Variants in CSMD1 observed in about 807,000 individuals in gnomAD.
CSMD1 encodes CUB and sushi domain-containing protein 1.
In CSMD1, 213 loss-of-function variants were observed where a neutral mutation model predicts 417.5. The observed-to-expected ratio is 0.51, with a 90% CI of 0.46 to 0.57. The LOEUF (loss-of-function observed/expected upper bound fraction) is 0.57. Ranked by LOEUF, CSMD1 falls within the 20% of genes least tolerant of loss-of-function variation. The pLI is 0.00. For missense variants in CSMD1, 6,923 were observed against 4,529.7 expected (o/e 1.53, Z -15.17); for synonymous variants, 2,862 against 1,736.8 (o/e 1.65, Z -16.11).
intron 1 of CSMD1, among the ~76,000 whole-genome samples, chr8:4,674,136 T>C (rs1197993165): frequency 6.6e-6 from 1 of 152,214 alleles, no homozygotes; most frequent in African/African-American, 2.4e-5. Flanking sequence ...TCACAGCAGA[T>C]GTCCACTGGA....
intron 25 of CSMD1, among the ~76,000 whole-genome samples, chr8:3,288,532 A>C (rs1161620222): frequency 6.8e-6 from 1 of 147,038 alleles, no homozygotes; most frequent in Non-Finnish European, 1.5e-5. Flanking sequence ...TCTTGGCAGG[A>C]TGTATGTGTC....
chr8:4,735,148 C>T (rs1016099380), intron 1 of CSMD1, among the ~76,000 whole-genome samples: 2 of 152,178 alleles, frequency 1.3e-5, no homozygotes, highest in African/African-American at 2.4e-5. Flanking sequence ...TCTTTTTATA[C>T]ATATGAGGTA....
intron 25 of CSMD1, among the ~76,000 whole-genome samples, chr8:3,297,290 C>T (rs182391900): frequency 2.6e-5 from 4 of 152,024 alleles, no homozygotes; most frequent in African/African-American, 9.7e-5. Context: ...CAATAAAAAT[C>T]CAGGCAATTT....
At chr8:4,149,813 A>G (rs1340523856) in intron 3 of CSMD1, among the ~76,000 whole-genome samples, 1 of 152,218 alleles carries the variant, frequency 6.6e-6, no homozygotes, top group Non-Finnish European at 1.5e-5. Context: ...ATTTCCTATT[A>G]AAATACCACT....
At chr8:3,487,000 G>A (rs1818076917) in intron 11 of CSMD1, among the ~76,000 whole-genome samples, 1 of 152,210 alleles carries the variant, frequency 6.6e-6, no homozygotes, top group African/African-American at 2.4e-5. Context: ...ATCCTGGGGA[G>A]TTGATCCTGA....
In CSMD1 at chr8:3,298,765, C is replaced by T. The variant is rs190966599; in HGVS notation, c.3950+8930G>A. 1.2e-3 allele frequency among the ~76,000 whole-genome samples: 187 copies of T among 152,198 alleles called. 1 individual carries two copies. Among genetic ancestry groups the T allele is most frequent in the African/African-American group, 4.4e-3 (181 of 41,528 alleles). On this transcript the variant is annotated intron_variant, in intron 25 of 69. Coordinates refer to ENST00000635120, the MANE Select transcript of CSMD1 (RefSeq NM_033225.6). ...CATCGTGCCCGACAATTATCTTTTA[C>T]ATAAAATTCAAATTTGGCAAAACTC...
At chr8:4,197,790 G>C (rs557343356) in intron 3 of CSMD1, among the ~76,000 whole-genome samples, 157 of 152,176 alleles carry the variant, frequency 1.0e-3, no homozygotes, top group African/African-American at 3.5e-3. Context: ...GATATGGGAG[G>C]ATTGCTTGAA....
At chr8:3,186,944 G>C (rs541502440) in intron 36 of CSMD1, among the ~76,000 whole-genome samples, 178 of 152,328 alleles carry the variant, frequency 1.2e-3, no homozygotes, top group Admixed American at 3.7e-3. Context: ...GTTTCGCCAT[G>C]TTGGCCAGGC....
At chr8:4,658,072 G>A (rs1160987995) in intron 1 of CSMD1, among the ~76,000 whole-genome samples, 1 of 151,230 alleles carries the variant, frequency 6.6e-6, no homozygotes, top group Non-Finnish European at 1.5e-5. Context: ...GAAAAAGAAG[G>A]GAAAAAAATA....
At chr8:4,640,308 A>G (rs1803113550) in intron 1 of CSMD1, among the ~76,000 whole-genome samples, 1 of 152,242 alleles carries the variant, frequency 6.6e-6, no homozygotes, top group Admixed American at 6.5e-5. Flanking sequence ...GCAAACAACC[A>G]AGAAGTTTTT....
rs116077843 is a variant in CSMD1, at chr8:3,813,503, G to A, written c.819-59461C>T. ...GGACTTTTATGTGCATTAAAAGAAG[G>A]GCTGGCGTGAATATGAAGACTGATC... On this transcript the variant is annotated intron_variant, in intron 5 of 69. Coordinates refer to ENST00000635120, the MANE Select transcript of CSMD1 (RefSeq NM_033225.6). 3.2e-3 allele frequency among the ~76,000 whole-genome samples: 481 copies of A among 152,178 alleles called. 4 individuals carry two copies. The highest frequency in any genetic ancestry group is 0.011 in the African/African-American group (456 of 41,528).
chr8:4,700,875 G>C (rs970512377), intron 1 of CSMD1, among the ~76,000 whole-genome samples: 27 of 152,162 alleles, frequency 1.8e-4, no homozygotes, highest in African/African-American at 6.5e-4. Flanking sequence ...TAGACCTACA[G>C]TGCTCCTGTT....
intron 5 of CSMD1, among the ~76,000 whole-genome samples, chr8:3,900,462 G>A (rs914997511): frequency 1.8e-4 from 27 of 151,812 alleles, no homozygotes; most frequent in Middle Eastern, 3.4e-3. Context: ...TAACAGTGCA[G>A]CTGGGTGACA....
At chr8:3,937,039 G>C (rs1052457621) in intron 5 of CSMD1, among the ~76,000 whole-genome samples, 1 of 152,170 alleles carries the variant, frequency 6.6e-6, no homozygotes, top group African/African-American at 2.4e-5. Flanking sequence ...AGTAACTTCA[G>C]ACATGTTGAA....
chr8:4,187,972 T>G (rs1203024026), intron 3 of CSMD1, among the ~76,000 whole-genome samples: 1 of 152,104 alleles, frequency 6.6e-6, no homozygotes, highest in African/African-American at 2.4e-5. Flanking sequence ...TGGGTATTTT[T>G]AATTCCCCTG....
intron 2 of CSMD1, among the ~76,000 whole-genome samples, chr8:4,499,686 C>A (rs566369834): frequency 3.7e-4 from 57 of 152,248 alleles, no homozygotes; most frequent in African/African-American, 1.3e-3. Context: ...TAGTGAATAA[C>A]TTTAATAAAT....
chr8:3,575,042 C>G lies in CSMD1; in HGVS notation c.1247G>C (p.Arg416Pro), dbSNP rs756787008. 4 of 1,613,366 alleles carry G rather than the reference C, an allele frequency of 2.5e-6. No individual in the cohort carries two copies. The South Asian group carries it at 4.4e-5, about 18-fold the overall frequency. The stretch of plus-strand genomic sequence containing the variant: ...GGAGGTAATGACGCCGCTGGGCCCA[C>G]GCAGATTGGATCCACATGTTCTCGC... ...CRARTCGSNL[R>P]GPSGVITSPN... The change falls in exon 10 of 70, where the codon CGT becomes CCT. Residue 416 changes from arginine to proline, a missense_variant. Arg to Pro is a moderately radical substitution (Grantham distance 103). Transcript: ENST00000635120.
At chr8:3,284,369 G>A (rs1319151160) in intron 25 of CSMD1, 23 bp from the exon 26 acceptor site, 6 of 1,577,302 alleles carry the variant, frequency 3.8e-6, no homozygotes, top group African/African-American at 2.7e-5. Flanking sequence ...ACACAGTAGC[G>A]CTACTTGCCG....
chr8:4,217,146 G>A (rs994102965), intron 3 of CSMD1, among the ~76,000 whole-genome samples: 5 of 152,168 alleles, frequency 3.3e-5, no homozygotes, highest in South Asian at 4.1e-4. Context: ...TTGTAGAAAA[G>A]CCCAGAAATA....
Sources: allele counts gnomAD v4.1 joint callset (sites outside exome capture counted in the v4.1 genomes callset), GRCh38; gene constraint gnomAD v4.1.1; transcripts MANE v1.5; gene names NCBI Gene and HGNC (gene_info 2026-07-23, HGNC 2026-07-21).